CCR1: variants seen among roughly 807,000 people sequenced by gnomAD.
CCR1 encodes C-C motif chemokine receptor 1.
In CCR1, 1 loss-of-function variant was observed where a neutral mutation model predicts 0.3. The ratio of observed to expected loss-of-function variants is 3.70; its 90% CI spans 1.31 to 17.54. CCR1 has a LOEUF of 17.54. Among genes scored for constraint, CCR1 ranks in the 30% most tolerant of loss-of-function variants. CCR1 has a pLI of 0.11. For missense variants in CCR1, 349 were observed against 435.4 expected, an observed-to-expected ratio of 0.80 and a Z score of 1.77; for synonymous variants, 207 against 182.5, an observed-to-expected ratio of 1.13 and a Z score of -1.08.
At chr3:46,207,090 A>G (rs1350855045) in intron 1 of CCR1, among the ~76,000 whole-genome samples, 1 of 152,206 alleles carries the variant, frequency 6.6e-6, no homozygotes, top group African/African-American at 2.4e-5. Flanking sequence ...CATTTATACC[A>G]TGAAAATCAA....
In CCR1 at chr3:46,203,666, G is replaced by T. The variant is rs201211138; in HGVS notation, c.648C>A (p.Ile216=). The change falls in exon 2 of 2, where the codon ATC becomes ATA. Residue 216 remains isoleucine, a synonymous_variant. Coordinates refer to ENST00000296140, the MANE Select transcript of CCR1 (RefSeq NM_001295.3). The surrounding 1 kb of genome is among the most constrained non-coding windows in gnomAD (Gnocchi z 4.5). ...FGLVLPLLVM[I]ICYTGIIKIL... ...TCTTTATAATCCCTGTGTAGCAGAT[G>T]ATCATGACCAACAAAGGCAATACCA... 10 of 1,614,068 alleles carry T rather than the reference G, an allele frequency of 6.2e-6. No individual in the cohort carries two copies. Among genetic ancestry groups the T allele is most frequent in the South Asian group, 1.1e-5 (1 of 91,058 alleles).
rs3136664 is a variant in CCR1 at position 46,203,933 on chromosome 3, C to T, written c.381G>A (p.Leu127=). The change falls in exon 2 of 2, where the codon CTG becomes CTA. Residue 127 remains leucine (L), a synonymous_variant. Coordinates refer to ENST00000296140, the MANE Select transcript of CCR1 (RefSeq NM_001295.3). The surrounding 1 kb of genome is among the most constrained non-coding windows in gnomAD (Gnocchi z 4.5). ...CGATGGCCAGGTACCTGTCAATCGT[C>T]AGCAGGATGATGAAAAAGATCTCGC... is the stretch of plus-strand genomic sequence containing the variant. ...LYSEIFFIIL[L]TIDRYLAIVH... 9,438 of 1,614,062 alleles carry T rather than the reference C, an allele frequency of 5.8e-3. 293 individuals are homozygous for T. In the African/African-American group the frequency reaches 0.082, roughly 14 times the overall value.
rs750412784 is a variant in CCR1 at position 46,203,201 on chromosome 3, G to C, written c.*45C>G. ...CCAGGCTGCTGGCTCAGTGTGCCTGGCAGGTCACGCCTGCTTATTTTGGGT... is the reference window on the plus strand; with the variant it reads ...CCAGGCTGCTGGCTCAGTGTGCCTGCCAGGTCACGCCTGCTTATTTTGGGT... On this transcript the variant is annotated 3_prime_UTR_variant, in exon 2 of 2. Transcript: ENST00000296140. This position sits in a 1 kb window ranked among gnomAD's most constrained non-coding sequence, Gnocchi z 4.5. The C allele has an allele frequency of 7.0e-7, 1 of 1,423,678 alleles. No homozygotes were observed. The highest frequency in any genetic ancestry group is 9.7e-7 in the Non-Finnish European group (1 of 1,027,182). 88.2% of individuals were successfully genotyped at this position (1,423,678 alleles called of 1,614,324 possible).
In CCR1 at chr3:46,204,299, G is replaced by T; in HGVS notation, c.15C>A (p.Asn5Lys). The T allele has an allele frequency of 6.4e-7, 1 of 1,562,004 alleles. No homozygotes were observed. The highest frequency in any genetic ancestry group is 1.2e-5 in the South Asian group (1 of 82,538). Residue 5 changes from asparagine to lysine, a missense_variant, in exon 2 of 2, where the codon AAC becomes AAA. Physicochemically the swap from Asn to Lys is moderately conservative, Grantham distance 94. Transcript: ENST00000296140. METP[N>K]TTEDYDTTTE... ...TGGTCGTGTCATAGTCCTCTGTGGT[G>T]TTTGGAGTTTCCATCCCGGCTTCTC...
rs1423684540 is a variant in CCR1, at chr3:46,203,252, C to G, written c.1062G>C (p.Gly354=). The G allele has an allele frequency of 3.1e-6, 5 of 1,611,790 alleles. No individual in the cohort carries two copies. The highest frequency in any genetic ancestry group is 1.7e-5 in the Admixed American group (1 of 59,918). Residue 354 remains glycine, a synonymous_variant, in exon 2 of 2, where the codon GGG becomes GGC. Transcript: ENST00000296140. The surrounding 1 kb of genome is among the most constrained non-coding windows in gnomAD (Gnocchi z 4.5). ...PSTGEHELSA[G]F is the part of the protein sequence containing the mutation. ...TGGCCTCCTATGGTCTGAGTCAGAA[C>G]CCAGCAGAGAGTTCATGCTCCCCTG...
At chr3:46,205,158 T>C (rs1208109754) in intron 1 of CCR1, among the ~76,000 whole-genome samples, 1 of 152,156 alleles carries the variant, frequency 6.6e-6, no homozygotes, top group Non-Finnish European at 1.5e-5. Context: ...CCAGTGGTGT[T>C]GCCATAGTGA....
At position 46,202,461 on chromosome 3, in the gene CCR1, T is replaced by A. The variant is rs200852700; in HGVS notation, c.*785A>T. ...ATGGAAATGATGAGTCCCTCCCCTT[T>A]ATGGCTATTTTAAGAAGCACACCAT... On this transcript the variant is annotated 3_prime_UTR_variant, in exon 2 of 2. Transcript: ENST00000296140. The A allele has an allele frequency of 6.6e-6, 1 of 152,182 alleles. No individual in the cohort carries two copies. Among genetic ancestry groups the A allele is most frequent in the East Asian group, 1.9e-4 (1 of 5,200 alleles). 9.4% of individuals were successfully genotyped at this position (152,182 alleles called of 1,614,324 possible). A position where few individuals can be genotyped will look rare whatever the true frequency, so the allele number is the denominator to read the frequency against.
chr3:46,203,474 G>T lies in CCR1; in HGVS notation c.840C>A (p.Asp280Glu). 5 of 1,614,162 alleles carry T rather than the reference G, an allele frequency of 3.1e-6. No homozygotes were observed. Among genetic ancestry groups the T allele is most frequent in the Non-Finnish European group, 1.7e-6 (2 of 1,180,022 alleles). Residue 280 changes from aspartate (D) to glutamate (E), a missense_variant, in exon 2 of 2, where the codon GAC (aspartate) becomes GAA (glutamate). Transcript: ENST00000296140. The surrounding 1 kb of genome is among the most constrained non-coding windows in gnomAD (Gnocchi z 4.5). ...TCACCTCCGTCACTTGCACAGCCAG[G>T]TCCAAATGTCTGCTCTGCTCACACT... ...THECEQSRHL[D>E]LAVQVTEVIA...
rs1488898106 is a variant in CCR1, at chr3:46,203,385, T to C, written c.929A>G (p.Lys310Arg). ...IYAFVGERFR[K>R]YLRQLFHRRV... ...CCTGTGGAACAACTGCCGCAGGTAC[T>C]TCCGGAACCTCTCACCAACGAAGGC... The change falls in exon 2 of 2, where the codon AAG (lysine) becomes AGG (arginine). Residue 310 changes from lysine (K) to arginine (R), a missense_variant. By Grantham distance (26) the Lys-to-Arg change is conservative (BLOSUM62 2). Coordinates refer to ENST00000296140, the MANE Select transcript of CCR1 (RefSeq NM_001295.3). The surrounding 1 kb of genome is among the most constrained non-coding windows in gnomAD (Gnocchi z 4.5). 6.2e-7 allele frequency: 1 copy of C among 1,614,144 alleles called. No homozygotes were observed. The highest frequency in any genetic ancestry group is 1.7e-5 in the Admixed American group (1 of 60,018).
Position 46,202,978 on chromosome 3 carries a change from C to T in CCR1, c.*268G>A. The T allele has an allele frequency of 2.5e-6, 1 of 403,550 alleles. No homozygotes were observed. Among genetic ancestry groups the T allele is most frequent in the Non-Finnish European group, 4.5e-6 (1 of 223,978 alleles). The allele number at this position is 403,550 out of a possible 1,614,324, so 25.0% of individuals were successfully genotyped here. A position where few individuals can be genotyped will look rare whatever the true frequency, so the allele number is the denominator to read the frequency against. ...TCTGAAATCTTGCTTGAGTCCAAGCCCTTCTCTGGTACACTTAGTCCCAGT... is the reference window on the plus strand; with the variant it reads ...TCTGAAATCTTGCTTGAGTCCAAGCTCTTCTCTGGTACACTTAGTCCCAGT... On this transcript the variant is annotated 3_prime_UTR_variant, in exon 2 of 2. Transcript: ENST00000296140.
chr3:46,204,333 TAA>T lies in CCR1; in HGVS notation c.-11-11_-11-10del, dbSNP rs58092235. ...TTCCATCCCGGCTTCTCCTACAGGT[TAA>T]AAAAAAAAAAAAGATTTGTCTTTAC... is the stretch of plus-strand genomic sequence containing the variant. On this transcript the variant is annotated splice_polypyrimidine_tract_variant and intron_variant, in intron 1 of 1. Coordinates refer to ENST00000296140, the MANE Select transcript of CCR1 (RefSeq NM_001295.3). The T allele has an allele frequency of 0.041, 50,008 of 1,221,986 alleles. 2,845 individuals carry two copies. Among genetic ancestry groups the T allele is most frequent in the African/African-American group, 0.34 (21,743 of 64,656 alleles). The allele number at this position is 1,221,986 out of a possible 1,614,324, so 75.7% of individuals were successfully genotyped here. A position where few individuals can be genotyped will look rare whatever the true frequency, so the allele number is the denominator to read the frequency against.
Position 46,204,034 on chromosome 3 carries a change from T to G in CCR1, c.280A>C (p.Lys94Gln), listed in dbSNP as rs138822282. ...LFTLPFWIDY[K>Q]LKDDWVFGDA... The stretch of plus-strand genomic sequence containing the variant: ...CCAAAAACCCAGTCATCCTTCAACT[T>G]GTAGTCGATCCAGAAGGGAAGCGTG... The change falls in exon 2 of 2, where the codon AAG (lysine) becomes CAG (glutamine). Residue 94 changes from lysine to glutamine, a missense_variant. Coordinates refer to ENST00000296140, the MANE Select transcript of CCR1 (RefSeq NM_001295.3). 623 of 1,614,174 alleles carry G rather than the reference T, an allele frequency of 3.9e-4. 7 individuals carry two copies. The African/African-American group carries it at 6.0e-3, about 15-fold the overall frequency.
rs922806243 is a variant in CCR1 at position 46,207,645 on chromosome 3, G to A, written c.-12+637C>T. On this transcript the variant is annotated intron_variant, in intron 1 of 1. Coordinates refer to ENST00000296140, the MANE Select transcript of CCR1 (RefSeq NM_001295.3). ...TCCTTTACATGGGGGAATTTGGCAA[G>A]CAATTTTTTTTTTTTTTTCAGACAG... Among the ~76,000 whole-genome samples the A allele has an allele frequency of 1.6e-3, 162 of 103,346 alleles. 4 individuals carry two copies. The highest frequency in any genetic ancestry group is 4.9e-4 in the Non-Finnish European group (25 of 50,820). The allele number at this position is 103,346 out of a possible 152,430, so 67.8% of individuals were successfully genotyped here.
intron 1 of CCR1, among the ~76,000 whole-genome samples, chr3:46,206,285 A>G (rs1301365416): frequency 6.6e-6 from 1 of 152,116 alleles, no homozygotes; most frequent in African/African-American, 2.4e-5. Context: ...GAGATACTCT[A>G]TTAGGGTGAG....
Position 46,203,918 on chromosome 3 carries a change from G to T in CCR1, c.396C>A (p.Tyr132Ter). The T allele has an allele frequency of 6.2e-7, 1 of 1,614,154 alleles. No individual in the cohort carries two copies. Among genetic ancestry groups the T allele is most frequent in the Non-Finnish European group, 8.5e-7 (1 of 1,180,028 alleles). The change falls in exon 2 of 2, where the codon TAC becomes TAA. Residue 132 changes from tyrosine to a stop codon, truncating the protein, a stop_gained. Transcript: ENST00000296140. LOFTEE classifies it low-confidence loss of function (END_TRUNC). The surrounding 1 kb of genome is among the most constrained non-coding windows in gnomAD (Gnocchi z 4.5). Reference protein sequence around the residue: ...FFIILLTIDRYLAIVHAVFAL... With the variant: ...FFIILLTIDR ...CAAACACGGCGTGGACGATGGCCAGGTACCTGTCAATCGTCAGCAGGATGA... is the reference window on the plus strand; with the variant it reads ...CAAACACGGCGTGGACGATGGCCAGTTACCTGTCAATCGTCAGCAGGATGA...
In CCR1 at chr3:46,203,849, G is replaced by A. The variant is rs199944458; in HGVS notation, c.465C>T (p.Ile155=). ...CCAAGATGGCCAGGGCCCAAATGATGATGCTGGTGATGACACCAAAAGTGA... is the reference window on the plus strand; with the variant it reads ...CCAAGATGGCCAGGGCCCAAATGATAATGCTGGTGATGACACCAAAAGTGA... The part of the protein sequence containing the change: ...RTVTFGVITS[I]IIWALAILAS... Residue 155 remains isoleucine (I), a synonymous_variant, in exon 2 of 2, where the codon ATC becomes ATT. Coordinates refer to ENST00000296140, the MANE Select transcript of CCR1 (RefSeq NM_001295.3). The surrounding 1 kb of genome is among the most constrained non-coding windows in gnomAD (Gnocchi z 4.5). 3.7e-6 allele frequency: 6 copies of A among 1,614,086 alleles called. No individual in the cohort carries two copies. Among genetic ancestry groups the A allele is most frequent in the Non-Finnish European group, 5.1e-6 (6 of 1,180,038 alleles).
At position 46,203,265 on chromosome 3, in the gene CCR1, T is replaced by G. The variant is rs1163299723; in HGVS notation, c.1049A>C (p.Glu350Ala). ...SSTSPSTGEH[E>A]LSAGF ...TCTGAGTCAGAACCCAGCAGAGAGT[T>G]CATGCTCCCCTGTGGAGGGAGATGT... The change falls in exon 2 of 2, where the codon GAA becomes GCA. Residue 350 changes from glutamate to alanine, a missense_variant. Physicochemically the swap from Glu to Ala is moderately radical, Grantham distance 107. Transcript: ENST00000296140. This position sits in a 1 kb window ranked among gnomAD's most constrained non-coding sequence, Gnocchi z 4.5. The G allele has an allele frequency of 6.2e-7, 1 of 1,613,604 alleles. No individual in the cohort carries two copies. Among genetic ancestry groups the G allele is most frequent in the Non-Finnish European group, 8.5e-7 (1 of 1,179,646 alleles).
At position 46,203,380 on chromosome 3, in the gene CCR1, G is replaced by A. The variant is rs1559520082; in HGVS notation, c.934C>T (p.Leu312=). ...AFVGERFRKY[L]RQLFHRRVAV... ...ACACGCCTGTGGAACAACTGCCGCA[G>A]GTACTTCCGGAACCTCTCACCAACG... Residue 312 remains leucine (L), a synonymous_variant, in exon 2 of 2, where the codon CTG becomes TTG. Coordinates refer to ENST00000296140, the MANE Select transcript of CCR1 (RefSeq NM_001295.3). This position sits in a 1 kb window ranked among gnomAD's most constrained non-coding sequence, Gnocchi z 4.5. 4 of 1,614,140 alleles carry A rather than the reference G, an allele frequency of 2.5e-6. No individual in the cohort carries two copies. The South Asian group carries it at 3.3e-5, about 13-fold the overall frequency.
Position 46,203,194 on chromosome 3 carries a change from G to T in CCR1, c.*52C>A. 7.4e-7 allele frequency: 1 copy of T among 1,358,874 alleles called. No homozygotes were observed. Among genetic ancestry groups the T allele is most frequent in the Non-Finnish European group, 1.0e-6 (1 of 971,120 alleles). 84.2% of individuals were successfully genotyped at this position (1,358,874 alleles called of 1,614,324 possible). On this transcript the variant is annotated 3_prime_UTR_variant, in exon 2 of 2. Coordinates refer to ENST00000296140, the MANE Select transcript of CCR1 (RefSeq NM_001295.3). This position sits in a 1 kb window ranked among gnomAD's most constrained non-coding sequence, Gnocchi z 4.5. ...GGGAGAGCCAGGCTGCTGGCTCAGTGTGCCTGGCAGGTCACGCCTGCTTAT... is the reference window on the plus strand; with the variant it reads ...GGGAGAGCCAGGCTGCTGGCTCAGTTTGCCTGGCAGGTCACGCCTGCTTAT...
Sources: allele counts gnomAD v4.1 joint callset (sites outside exome capture counted in the v4.1 genomes callset), GRCh38; gene constraint gnomAD v4.1.1; non-coding constraint Gnocchi (gnomAD v3.1); transcripts MANE v1.5; gene names NCBI Gene and HGNC (gene_info 2026-07-23, HGNC 2026-07-21).